Variants in N4BP2 observed in about 807,000 individuals in gnomAD.
N4BP2 encodes the protein NEDD4 binding protein 2.
Under a neutral mutation model 152.8 loss-of-function variants are expected in N4BP2, and 91 were observed. The ratio of observed to expected loss-of-function variants is 0.60; its 90% confidence interval spans 0.50 to 0.71. The LOEUF is 0.71. Ranked by LOEUF, N4BP2 falls within the 30% of genes least tolerant of loss-of-function variation. The probability of loss-of-function intolerance (pLI) is 0.00; values close to 1 mark genes in which losing one functional copy is unlikely to be tolerated. For missense variants in N4BP2, 1,923 were observed against 2,059.1 expected, an observed-to-expected ratio of 0.93 and a Z score of 1.28; for synonymous variants, 646 against 705.3, an observed-to-expected ratio of 0.92 and a Z score of 1.33.
intron 2 of N4BP2, among the ~76,000 whole-genome samples, chr4:40,074,148 T>C (rs1260081717): frequency 6.6e-6 from 1 of 150,520 alleles, no homozygotes; most frequent in Non-Finnish European, 1.5e-5. Flanking sequence ...TGGAGTGCAG[T>C]GGCACGATCT....
At chr4:40,084,160 A>G (rs1460858435) in intron 2 of N4BP2, among the ~76,000 whole-genome samples, 3 of 152,130 alleles carry the variant, frequency 2.0e-5, no homozygotes, top group Admixed American at 6.6e-5. Flanking sequence ...CATGTTGCCC[A>G]GGCTGGTCTT....
At chr4:40,170,816 A>G in the N4BP2 span, among the ~76,000 whole-genome samples, 602 of 152,320 alleles carry the variant, frequency 4.0e-3, 2 homozygotes, top group African/African-American at 0.014. Context: ...TTGAGTTAAT[A>G]TGTCATGGGC....
chr4:40,158,340 C>T (rs1721758303), downstream of N4BP2: 1 of 152,042 alleles, frequency 6.6e-6, no homozygotes, highest in Non-Finnish European at 1.5e-5. Context: ...TTTGTAATTT[C>T]AGGGGGAAAG....
chr4:40,086,242 A>G (rs1380305933), intron 2 of N4BP2, among the ~76,000 whole-genome samples: 1 of 151,540 alleles, frequency 6.6e-6, no homozygotes. Context: ...GGTGTGAACC[A>G]TCATGCCTGG....
In N4BP2 at chr4:40,122,155, A is replaced by G. The variant is rs1288320708; in HGVS notation, c.4044A>G (p.Leu1348=). ...AAATTCTAATGGCAGGAAGTAGTTT[A>G]TCAGCTGGAGTTAGTGGGGAAGATA... The part of the protein sequence containing the change: ...MKEILMAGSS[L]SAGVSGEDKT... Residue 1348 remains leucine (L), a synonymous_variant, in exon 9 of 18, where the codon TTA becomes TTG. Transcript: ENST00000261435. The G allele has an allele frequency of 1.2e-6, 2 of 1,612,236 alleles. No individual in the cohort carries two copies. The highest frequency in any genetic ancestry group is 2.2e-5 in the East Asian group (1 of 44,860).
chr4:40,155,045 A>G lies in N4BP2; in HGVS notation c.*808A>G, dbSNP rs1721478962. On this transcript the variant is annotated 3_prime_UTR_variant, in exon 18 of 18. Coordinates refer to ENST00000261435, the MANE Select transcript of N4BP2 (RefSeq NM_018177.6). ...CTTATATTTTATTTTTGAGGCATGT[A>G]ATTTTAAAACTGCAGTAGGTTAAAA... 6.6e-6 allele frequency: 1 copy of G among 152,358 alleles called. No homozygotes were observed. Among genetic ancestry groups the G allele is most frequent in the African/African-American group, 2.4e-5 (1 of 41,586 alleles). The allele number at this position is 152,358 out of a possible 1,614,324, so 9.4% of individuals were successfully genotyped here. A position where few individuals can be genotyped will look rare whatever the true frequency, so the allele number is the denominator to read the frequency against.
chr4:40,181,023 G>A, the N4BP2 span, among the ~76,000 whole-genome samples: 5 of 152,126 alleles, frequency 3.3e-5, no homozygotes, highest in Non-Finnish European at 5.9e-5. Context: ...GGTGGCATGT[G>A]CCTGTAGTCC....
chr4:40,186,954 A>G, the N4BP2 span, among the ~76,000 whole-genome samples: 1 of 152,218 alleles, frequency 6.6e-6, no homozygotes, highest in East Asian at 1.9e-4. Context: ...TTTATAAATA[A>G]GTACTCATTT....
At chr4:40,137,775 A>T (rs904468630) in intron 14 of N4BP2, among the ~76,000 whole-genome samples, 1 of 152,126 alleles carries the variant, frequency 6.6e-6, no homozygotes, top group Admixed American at 6.5e-5. Flanking sequence ...TTTGGTTTCT[A>T]TGGGAAGGAA....
At chr4:40,098,616 G>A (rs752818218) in intron 3 of N4BP2, among the ~76,000 whole-genome samples, 19 of 152,198 alleles carry the variant, frequency 1.2e-4, no homozygotes, top group Non-Finnish European at 2.6e-4. Flanking sequence ...TGGTCTGCGA[G>A]CATATCTTGT....
intron 1 of N4BP2, among the ~76,000 whole-genome samples, chr4:40,058,038 TGGTTAAC>T (rs1733363603): frequency 6.6e-6 from 1 of 152,208 alleles, no homozygotes; most frequent in South Asian, 2.1e-4. Context: ...GCCTGGAGAC[TGGTTAAC>T]TCAGTAAAGG....
intron 1 of N4BP2, among the ~76,000 whole-genome samples, chr4:40,065,736 C>A (rs116242606): frequency 0.01 from 1,593 of 152,172 alleles, 33 homozygotes; most frequent in African/African-American, 0.035. Context: ...TTAGACAGTT[C>A]TTCCAATGCA....
At chr4:40,057,288 C>A (rs1231698141) in intron 1 of N4BP2, 1 of 152,444 alleles carries the variant, frequency 6.6e-6, no homozygotes, top group Non-Finnish European at 1.5e-5. Flanking sequence ...CGGGCGAAGG[C>A]GGGGGCCGCG....
intron 12 of N4BP2, among the ~76,000 whole-genome samples, chr4:40,130,043 T>C (rs1267318757): frequency 1.3e-5 from 2 of 152,096 alleles, no homozygotes; most frequent in East Asian, 3.8e-4. Context: ...AAATGTGAAA[T>C]ATTTTAATTT....
At chr4:40,148,268 G>A (rs1228516293) in intron 16 of N4BP2, among the ~76,000 whole-genome samples, 1 of 152,212 alleles carries the variant, frequency 6.6e-6, no homozygotes, top group East Asian at 1.9e-4. Flanking sequence ...GGCCAATACA[G>A]CGAAACCCTG....
At chr4:40,106,274 T>C (rs1716272801) in intron 4 of N4BP2, among the ~76,000 whole-genome samples, 2 of 152,172 alleles carry the variant, frequency 1.3e-5, no homozygotes, top group Non-Finnish European at 2.9e-5. Flanking sequence ...GTATTTTTAG[T>C]ATGATTTGTT....
At chr4:40,176,825 T>C in the N4BP2 span, among the ~76,000 whole-genome samples, 2 of 152,238 alleles carry the variant, frequency 1.3e-5, no homozygotes, top group African/African-American at 2.4e-5. Context: ...GGGAGGAACC[T>C]GGCCCCTCCT....
chr4:40,143,730 G>A (rs1720262199), intron 15 of N4BP2, among the ~76,000 whole-genome samples: 1 of 152,176 alleles, frequency 6.6e-6, no homozygotes, highest in Admixed American at 6.5e-5. Flanking sequence ...AGCTTCTGGG[G>A]TAGGTAACTA....
intron 2 of N4BP2, among the ~76,000 whole-genome samples, chr4:40,078,389 G>T (rs1712997284): frequency 6.6e-6 from 1 of 151,904 alleles, no homozygotes; most frequent in African/African-American, 2.4e-5. Context: ...CACCTGCCTC[G>T]GCCACCCAAA....
Sources: gnomAD v4.1 joint callset for allele counts (sites outside exome capture counted in the v4.1 genomes callset) on GRCh38, gnomAD v4.1.1 for gene constraint, MANE v1.5 for transcripts, NCBI Gene and HGNC (gene_info 2026-07-23, HGNC 2026-07-21) for gene names.